Variants in MAP3K13 observed in about 807,000 individuals in gnomAD.
The protein encoded by MAP3K13 is mitogen-activated protein kinase kinase kinase 13.
A neutral mutation model predicts 104.0 loss-of-function variants in MAP3K13; 52 were observed. The observed-to-expected ratio is 0.50, with a 90% CI of 0.40 to 0.63. MAP3K13 has a LOEUF of 0.63. Among genes scored for constraint, MAP3K13 ranks in the 20% least tolerant of loss-of-function variants. The pLI is 0.00. For missense variants in MAP3K13, 914 were observed against 1,218.5 expected (o/e 0.75, Z 3.72); for synonymous variants, 394 against 442.2 (o/e 0.89, Z 1.37).
chr3:185,384,660 G>A lies in MAP3K13; in HGVS notation c.-86+21292G>A, dbSNP rs527327287. On this transcript the variant is annotated intron_variant, in intron 1 of 13. Coordinates refer to ENST00000265026, the MANE Select transcript of MAP3K13 (RefSeq NM_004721.5). ...TTTTGATAATAGCCATTCTAACTGC[G>A]ATATATCTCACTGTGGTTTGATTTG... Among the ~76,000 whole-genome samples, 25 of 152,098 alleles carry A rather than the reference G, an allele frequency of 1.6e-4. No homozygotes were observed. In the South Asian group the frequency reaches 2.1e-3, roughly 13 times the overall value.
At chr3:185,303,986 T>G (rs184698532) in intron 2 of MAP3K13, among the ~76,000 whole-genome samples, 1 of 152,348 alleles carries the variant, frequency 6.6e-6, no homozygotes, top group East Asian at 1.9e-4. Context: ...GTACTACTTT[T>G]GATGCATCCC....
chr3:185,359,191 C>T (rs971220417), upstream of MAP3K13, among the ~76,000 whole-genome samples: 10 of 152,086 alleles, frequency 6.6e-5, no homozygotes, highest in Non-Finnish European at 1.0e-4. Flanking sequence ...CTTACACGGA[C>T]GGCAGCAGGC....
At chr3:185,284,513 C>G (rs750142468) in intron 1 of MAP3K13, among the ~76,000 whole-genome samples, 1 of 151,950 alleles carries the variant, frequency 6.6e-6, no homozygotes, top group Admixed American at 6.6e-5. Context: ...GTCAGGAGTT[C>G]GAGACCAGCC....
chr3:185,479,444 G>A (rs557064125), intron 12 of MAP3K13, among the ~76,000 whole-genome samples: 2 of 152,288 alleles, frequency 1.3e-5, no homozygotes, highest in African/African-American at 4.8e-5. Flanking sequence ...AAATGAGTTA[G>A]TCCAGAGATT....
chr3:185,370,741 C>CAA (rs60757309), intron 1 of MAP3K13, among the ~76,000 whole-genome samples: 1 of 112,018 alleles, frequency 8.9e-6, no homozygotes. Flanking sequence ...TCTCTGTAGT[C>CAA]AAAAAAAAAA....
rs778893913 is a variant in MAP3K13 at position 185,473,354 on chromosome 3, C to T, written c.2023C>T (p.Pro675Ser). Reference sequence around the variant, plus strand: ...CGCCAACAACCTGAGGTATTTCGGCCCAGCAGCAGCCCTGCGGAGCCCACT... The same window carrying T: ...CGCCAACAACCTGAGGTATTTCGGCTCAGCAGCAGCCCTGCGGAGCCCACT... ...TCANNLRYFG[P>S]AAALRSPLSN... The change falls in exon 11 of 14, where the codon CCA (proline) becomes TCA (serine). Residue 675 changes from proline to serine, a missense_variant. By Grantham distance (74) the Pro-to-Ser change is moderately conservative. Around this residue, in one of 3 missense-constraint regions of MAP3K13, gnomAD observed 583 missense variants for 737.4 expected, o/e 0.79. Coordinates refer to ENST00000265026, the MANE Select transcript of MAP3K13 (RefSeq NM_004721.5). This position sits in a 1 kb window ranked among gnomAD's most constrained non-coding sequence, Gnocchi z 4.9. 6.2e-7 allele frequency: 1 copy of T among 1,614,198 alleles called. No homozygotes were observed. Among genetic ancestry groups the T allele is most frequent in the Non-Finnish European group, 8.5e-7 (1 of 1,180,034 alleles).
rs566212101 is a variant in MAP3K13, at chr3:185,477,962, T to C, written c.2501+566T>C. ...TCTTATTGGATTAGGGGTCCACTCT[T>C]ATGAACTCATTTAATATTAATTACC... On this transcript the variant is annotated intron_variant, in intron 12 of 13. Coordinates refer to ENST00000265026, the MANE Select transcript of MAP3K13 (RefSeq NM_004721.5). Among the ~76,000 whole-genome samples the C allele has an allele frequency of 9.9e-5, 15 of 152,258 alleles. 1 individual carries two copies. Among genetic ancestry groups the C allele is most frequent in the African/African-American group, 3.4e-4 (14 of 41,552 alleles).
intron 2 of MAP3K13, among the ~76,000 whole-genome samples, chr3:185,437,133 G>A (rs548777578): frequency 2.1e-4 from 32 of 151,940 alleles, no homozygotes; most frequent in African/African-American, 7.5e-4. Context: ...AGAGACAGAC[G>A]GGTAAATTGA....
In MAP3K13 at chr3:185,378,148, A is replaced by G. The variant is rs907170654; in HGVS notation, c.-86+14780A>G. Among the ~76,000 whole-genome samples, 8 of 152,052 alleles carry G rather than the reference A, an allele frequency of 5.3e-5. No homozygotes were observed. In the East Asian group the frequency reaches 1.4e-3, roughly 26 times the overall value. ...AATACATTGCTACTTGGCTGCCTCT[A>G]CTCTATTATTGTACACCTTGAAGGC... On this transcript the variant is annotated intron_variant, in intron 1 of 13. Coordinates refer to ENST00000265026, the MANE Select transcript of MAP3K13 (RefSeq NM_004721.5).
At chr3:185,422,942 A>G (rs1226943428) in intron 1 of MAP3K13, among the ~76,000 whole-genome samples, 1 of 152,198 alleles carries the variant, frequency 6.6e-6, no homozygotes, top group African/African-American at 2.4e-5. Flanking sequence ...TGTCAGATCC[A>G]TGGGGCATTA....
rs1226037905 is a variant in MAP3K13, at chr3:185,315,372, T to G, written c.-86+29729T>G. On this transcript the variant is annotated intron_variant, in intron 2 of 14. Coordinates refer to the MAP3K13 transcript ENST00000424227. The surrounding 1 kb of genome is among the most constrained non-coding windows in gnomAD (Gnocchi z 4.3). ...AAAGGGGAGAGAATGTATGTGTGTA[T>G]GTCTTAACAAAAACAGATTGCTGGG... 1.3e-5 allele frequency among the ~76,000 whole-genome samples: 2 copies of G among 152,196 alleles called. No homozygotes were observed. Among genetic ancestry groups the G allele is most frequent in the Non-Finnish European group, 2.9e-5 (2 of 68,020 alleles).
At chr3:185,421,705 G>T (rs1190504094) in intron 1 of MAP3K13, among the ~76,000 whole-genome samples, 1 of 152,168 alleles carries the variant, frequency 6.6e-6, no homozygotes, top group Non-Finnish European at 1.5e-5. Context: ...AGCCAGATTT[G>T]CACAGGGAGA....
intron 2 of MAP3K13, among the ~76,000 whole-genome samples, chr3:185,335,851 T>A (rs1560053069): frequency 6.6e-6 from 1 of 152,174 alleles, no homozygotes; most frequent in Admixed American, 6.5e-5. Context: ...GAGGGCCAAC[T>A]GTACTGGCTT....
intron 7 of MAP3K13, among the ~76,000 whole-genome samples, chr3:185,462,365 G>A (rs763608091): frequency 5.3e-5 from 8 of 152,098 alleles, no homozygotes; most frequent in Non-Finnish European, 1.0e-4. Context: ...TAATTTCATG[G>A]CTGCTCTGCC....
rs557574709 is a variant in MAP3K13 at position 185,418,925 on chromosome 3, T to C, written c.-85-9572T>C. 4.3e-4 allele frequency: 386 copies of C among 903,168 alleles called. 6 individuals are homozygous for C. The South Asian group carries it at 4.8e-3, about 11-fold the overall frequency. 55.9% of individuals were successfully genotyped at this position (903,168 alleles called of 1,614,324 possible). A position where few individuals can be genotyped will look rare whatever the true frequency, so the allele number is the denominator to read the frequency against. On this transcript the variant is annotated intron_variant, in intron 1 of 13. Transcript: ENST00000265026. The surrounding 1 kb of genome is among the most constrained non-coding windows in gnomAD (Gnocchi z 4.5). ...TAGAATCAAATGTGAATCTCATTAG[T>C]AGAAAAGGTAAAAACAAAATAGGAG...
At chr3:185,383,844 C>T (rs943026607) in intron 1 of MAP3K13, among the ~76,000 whole-genome samples, 1 of 152,098 alleles carries the variant, frequency 6.6e-6, no homozygotes, top group Non-Finnish European at 1.5e-5. Context: ...AATAATTACA[C>T]ACTTATGGGA....
At chr3:185,475,702 T>C (rs1718083222) in intron 11 of MAP3K13, among the ~76,000 whole-genome samples, 1 of 151,978 alleles carries the variant, frequency 6.6e-6, no homozygotes, top group Admixed American at 6.6e-5. Context: ...AATACAAAAA[T>C]TAGCCGGGCA....
chr3:185,288,491 G>GTATA (rs1415359116), intron 2 of MAP3K13, among the ~76,000 whole-genome samples: 1 of 143,492 alleles, frequency 7.0e-6, no homozygotes, highest in Non-Finnish European at 1.5e-5. Context: ...ATATGTGTGT[G>GTATA]TATATATATA....
At chr3:185,336,507 A>C (rs1211078499) in intron 2 of MAP3K13, among the ~76,000 whole-genome samples, 1 of 149,270 alleles carries the variant, frequency 6.7e-6, no homozygotes, top group African/African-American at 2.5e-5. Flanking sequence ...GCGCCATTGC[A>C]CTCCAGCCTG....
Sources: gnomAD v4.1 joint callset for allele counts (sites outside exome capture counted in the v4.1 genomes callset) on GRCh38, gnomAD v4.1.1 for gene constraint, gnomAD v4.1.1 regional missense constraint, Gnocchi (gnomAD v3.1) non-coding constraint, MANE v1.5 for transcripts, NCBI Gene and HGNC (gene_info 2026-07-23, HGNC 2026-07-21) for gene names.